DNAJC24: variants seen among roughly 807,000 people sequenced by gnomAD.
The protein encoded by DNAJC24 is DnaJ heat shock protein family (Hsp40) member C24.
In DNAJC24, 17 loss-of-function variants were observed where a neutral mutation model predicts 18.0. That is an observed-to-expected ratio of 0.94 (90% confidence interval 0.65 to 1.42). The LOEUF is 1.42. Ranked by LOEUF, DNAJC24 falls within the 40% of genes most tolerant of loss-of-function variation. DNAJC24 has a pLI of 0.00. For missense variants in DNAJC24, 158 were observed against 175.6 expected, an observed-to-expected ratio of 0.90 and a Z score of 0.57; for synonymous variants, 55 against 57.7, an observed-to-expected ratio of 0.95 and a Z score of 0.21.
intron 2 of DNAJC24, among the ~76,000 whole-genome samples, chr11:31,390,500 G>T (rs992175088): frequency 6.6e-6 from 1 of 150,662 alleles, no homozygotes; most frequent in Non-Finnish European, 1.5e-5. Context: ...AAGGTCAAGA[G>T]ATCGAGACCT....
chr11:31,418,092 T>C lies in DNAJC24; in HGVS notation c.250+3143T>C, dbSNP rs116519943. ...AGTAATAATTAGTTCCCAGAGATTA[T>C]ACATTTCGAAAGCAATGTTAACTCT... On this transcript the variant is annotated intron_variant, in intron 3 of 4. Transcript: ENST00000465995. Among the ~76,000 whole-genome samples the C allele has an allele frequency of 3.1e-3, 467 of 152,252 alleles. 3 individuals are homozygous for C. Among genetic ancestry groups the C allele is most frequent in the African/African-American group, 9.9e-3 (412 of 41,576 alleles).
chr11:31,405,173 G>A (rs964668780), intron 2 of DNAJC24, among the ~76,000 whole-genome samples: 3 of 149,980 alleles, frequency 2.0e-5, no homozygotes, highest in South Asian at 2.1e-4. Flanking sequence ...AGATTCCAGC[G>A]ATTCTCCTGC....
intron 2 of DNAJC24, among the ~76,000 whole-genome samples, chr11:31,390,127 C>G (rs1225317051): frequency 6.6e-6 from 1 of 152,094 alleles, no homozygotes; most frequent in Non-Finnish European, 1.5e-5. Context: ...AAGCTGGGCA[C>G]AGTGGCTCAC....
intron 2 of DNAJC24, chr11:31,384,768 G>A (rs576155823): frequency 6.6e-6 from 1 of 152,310 alleles, no homozygotes; most frequent in South Asian, 2.1e-4. Flanking sequence ...AGCCAAGAGT[G>A]TGGAACATTT....
At chr11:31,381,670 G>T (rs1022285866) in intron 2 of DNAJC24, among the ~76,000 whole-genome samples, 1 of 151,268 alleles carries the variant, frequency 6.6e-6, no homozygotes, top group Non-Finnish European at 1.5e-5. Context: ...CGCCTTCCCA[G>T]TTCAAGCAAT....
intron 2 of DNAJC24, chr11:31,396,505 C>A: frequency 4.6e-6 from 1 of 215,834 alleles, no homozygotes; most frequent in East Asian, 1.2e-4. Context: ...GCTTTATCTG[C>A]TGCATGAGTG....
At chr11:31,408,144 A>C in intron 2 of DNAJC24, 1 of 456,170 alleles carries the variant, frequency 2.2e-6, no homozygotes, top group South Asian at 1.5e-5. Context: ...TTTGGTGTAC[A>C]TACTTGGAAG....
At chr11:31,402,683 ATT>A (rs1952611120) in intron 2 of DNAJC24, among the ~76,000 whole-genome samples, 2 of 151,980 alleles carry the variant, frequency 1.3e-5, no homozygotes, top group African/African-American at 4.8e-5. Context: ...TAATCTTGTA[ATT>A]ATTTTGTAGA....
chr11:31,405,003 A>G (rs980954533), intron 2 of DNAJC24, among the ~76,000 whole-genome samples: 2 of 151,950 alleles, frequency 1.3e-5, no homozygotes, highest in Non-Finnish European at 2.9e-5. Context: ...TGGTATGTGA[A>G]ACATTAAAAC....
At chr11:31,406,683 T>G (rs1200033592) in intron 2 of DNAJC24, among the ~76,000 whole-genome samples, 1 of 152,170 alleles carries the variant, frequency 6.6e-6, no homozygotes, top group African/African-American at 2.4e-5. Context: ...TTGAGTGACT[T>G]TGAAGCAGGT....
intron 3 of DNAJC24, among the ~76,000 whole-genome samples, chr11:31,421,564 G>A (rs1294630927): frequency 6.6e-6 from 1 of 152,162 alleles, no homozygotes; most frequent in East Asian, 1.9e-4. Flanking sequence ...AAAATATCTT[G>A]GCCATAATGA....
At chr11:31,423,150 T>G (rs1247918719) in intron 3 of DNAJC24, among the ~76,000 whole-genome samples, 1 of 152,242 alleles carries the variant, frequency 6.6e-6, no homozygotes, top group Admixed American at 6.5e-5. Context: ...CACACTACCT[T>G]TAAAACTTTA....
intron 3 of DNAJC24, among the ~76,000 whole-genome samples, chr11:31,421,234 G>A (rs1952801025): frequency 6.6e-6 from 1 of 152,128 alleles, no homozygotes; most frequent in African/African-American, 2.4e-5. Flanking sequence ...CATAAAAAAT[G>A]TAATTATGTA....
chr11:31,432,396 A>G lies in DNAJC24; in HGVS notation c.*1995A>G. ...TTACATTTAACAATTAAAAACAACT[A>G]AAACTGAATAGCAAATAGTTTATTG... is the stretch of plus-strand genomic sequence containing the variant. On this transcript the variant is annotated 3_prime_UTR_variant, in exon 5 of 5. Coordinates refer to ENST00000465995, the MANE Select transcript of DNAJC24 (RefSeq NM_181706.5). 1.3e-6 allele frequency: 1 copy of G among 759,584 alleles called. No individual in the cohort carries two copies. Among genetic ancestry groups the G allele is most frequent in the Non-Finnish European group, 2.2e-6 (1 of 456,362 alleles). 47.1% of individuals were successfully genotyped at this position (759,584 alleles called of 1,614,324 possible). A position where few individuals can be genotyped will look rare whatever the true frequency, so the allele number is the denominator to read the frequency against.
chr11:31,370,319 T>G (rs1170735427), intron 1 of DNAJC24, among the ~76,000 whole-genome samples: 1 of 151,860 alleles, frequency 6.6e-6, no homozygotes, highest in African/African-American at 2.4e-5. Flanking sequence ...CTGTTTTGCT[T>G]TTTTTTTATT....
intron 2 of DNAJC24, among the ~76,000 whole-genome samples, chr11:31,379,339 G>C (rs1952351644): frequency 6.6e-6 from 1 of 152,110 alleles, no homozygotes; most frequent in South Asian, 2.1e-4. Flanking sequence ...CATTCCTTAT[G>C]AGAATCTAAT....
intron 2 of DNAJC24, among the ~76,000 whole-genome samples, chr11:31,390,273 G>C (rs1446936844): frequency 1.3e-5 from 2 of 151,772 alleles, no homozygotes; most frequent in Non-Finnish European, 2.9e-5. Context: ...GCATGCACCT[G>C]TAATCTCAGC....
intron 2 of DNAJC24, chr11:31,396,421 A>T: frequency 2.8e-6 from 1 of 358,442 alleles, no homozygotes; most frequent in South Asian, 2.3e-5. Flanking sequence ...ATTATATGCA[A>T]ATTTTTATAA....
chr11:31,426,361 A>AT lies in DNAJC24; in HGVS notation c.319+16dup, dbSNP rs11304707. 3.0e-3 allele frequency: 4,266 copies of AT among 1,404,246 alleles called. No individual in the cohort carries two copies. The highest frequency in any genetic ancestry group is 3.4e-3 in the Non-Finnish European group (3,531 of 1,040,244). 87.0% of individuals were successfully genotyped at this position (1,404,246 alleles called of 1,614,324 possible). A position where few individuals can be genotyped will look rare whatever the true frequency, so the allele number is the denominator to read the frequency against. ...AGAAATGTCTTGGAATGAAGGTTGG[A>AT]TTTTTTTTTTCTCTTGACAACATTT... On this transcript the variant is annotated splice_region_variant and intron_variant, in intron 4 of 4. Transcript: ENST00000465995.
Sources: allele counts gnomAD v4.1 joint callset (sites outside exome capture counted in the v4.1 genomes callset), GRCh38; gene constraint gnomAD v4.1.1; transcripts MANE v1.5; gene names NCBI Gene and HGNC (gene_info 2026-07-23, HGNC 2026-07-21).